SYCP2: variants seen among roughly 807,000 people sequenced by gnomAD.
SYCP2 encodes synaptonemal complex lateral element protein.
SYCP2 carries 55 observed loss-of-function variants against 211.3 expected under a neutral mutation model. That is an observed-to-expected ratio of 0.26 (90% CI 0.21 to 0.33). The LOEUF is 0.33. SYCP2 is among the 10% of genes least tolerant of loss of function. The pLI is 1.00. For synonymous variants in SYCP2, 570 were observed against 555.2 expected (o/e 1.03, Z -0.37); for missense variants, 1,731 against 1,752.0 (o/e 0.99, Z 0.21).
chr20:59,921,318 T>C lies in SYCP2; in HGVS notation c.160A>G (p.Ile54Val). The C allele has an allele frequency of 6.2e-7, 1 of 1,600,464 alleles. No homozygotes were observed. The highest frequency in any genetic ancestry group is 8.5e-7 in the Non-Finnish European group (1 of 1,172,934). ...KQFFHKVDNL[I>V]CRELNKEDIH... ...CAAAAATGAATATTTACCCTGCATA[T>C]AAGGTTGTCCACCTTGTGGAAAAAC... The change falls in exon 4 of 45, where the codon ATA (isoleucine) becomes GTA (valine). Residue 54 changes from isoleucine to valine, a missense_variant. Physicochemically the swap from Ile to Val is conservative, Grantham distance 29. This residue lies in a region of SYCP2 where 335 missense variants were observed against 378.8 expected (regional missense o/e 0.88). Transcript: ENST00000357552.
intron 2 of SYCP2, among the ~76,000 whole-genome samples, chr20:59,924,727 TAAAAA>T (rs1459293956): frequency 6.6e-6 from 1 of 151,772 alleles, no homozygotes; most frequent in African/African-American, 2.4e-5. Flanking sequence ...CAGTTGGAAA[TAAAAA>T]GAAAAGATAG....
chr20:59,886,005 G>A, intron 25 of SYCP2, 41 bp from the exon 26 acceptor site: 2 of 1,441,376 alleles, frequency 1.4e-6, no homozygotes, highest in Non-Finnish European at 9.6e-7. Flanking sequence ...AAGCAAATCA[G>A]TATCAATATC....
At chr20:59,905,445 C>G (rs951241279) in intron 15 of SYCP2, among the ~76,000 whole-genome samples, 2 of 152,116 alleles carry the variant, frequency 1.3e-5, no homozygotes, top group African/African-American at 2.4e-5. Flanking sequence ...GAATAAACTA[C>G]TGATACATGC....
chr20:59,896,108 T>A, intron 19 of SYCP2, among the ~76,000 whole-genome samples: 1 of 152,068 alleles, frequency 6.6e-6, no homozygotes, highest in East Asian at 1.9e-4. Flanking sequence ...CTAGAGGATA[T>A]CTGTACAAAG....
chr20:59,879,309 G>C (rs545411256), intron 31 of SYCP2, among the ~76,000 whole-genome samples: 2 of 149,310 alleles, frequency 1.3e-5, no homozygotes, highest in African/African-American at 4.9e-5. Context: ...TTTTATATAT[G>C]ATAATCCTGC....
At chr20:59,882,729 G>A (rs1600847645) in intron 26 of SYCP2, among the ~76,000 whole-genome samples, 3 of 152,042 alleles carry the variant, frequency 2.0e-5, no homozygotes, top group African/African-American at 7.2e-5. Flanking sequence ...CTAAAAAAGT[G>A]AATCTTATGG....
In SYCP2 at chr20:59,866,586, G is replaced by A; in HGVS notation, c.4129C>T (p.Arg1377Ter). 1 of 1,585,008 alleles carries A rather than the reference G, an allele frequency of 6.3e-7. No homozygotes were observed. Among genetic ancestry groups the A allele is most frequent in the Non-Finnish European group, 8.6e-7 (1 of 1,167,084 alleles). The change falls in exon 40 of 45, where the codon CGA becomes TGA. Residue 1377 changes from arginine to a stop codon, truncating the protein, a stop_gained. Transcript: ENST00000357552. LOFTEE classifies it high-confidence loss of function. ...NSEFKRRNNI[R>*]HKMLSYFTTQ... is the part of the protein sequence containing the mutation. Reference sequence around the variant, plus strand: ...GTAAAATAACTCAACATTTTATGTCGGATCTGAAAAATACTCATTTTTAAG... The same window carrying A: ...GTAAAATAACTCAACATTTTATGTCAGATCTGAAAAATACTCATTTTTAAG...
At chr20:59,880,492 T>A in intron 30 of SYCP2, 21 bp from the exon 31 acceptor site, 3 of 1,439,506 alleles carry the variant, frequency 2.1e-6, no homozygotes, top group Non-Finnish European at 2.8e-6. Flanking sequence ...AAGTTTGAAA[T>A]GCATGAAGAA....
chr20:59,882,610 T>C (rs2059707653), intron 26 of SYCP2, among the ~76,000 whole-genome samples: 2 of 152,066 alleles, frequency 1.3e-5, no homozygotes, highest in African/African-American at 2.4e-5. Flanking sequence ...AAAAAAAGAA[T>C]GAAATCCTGT....
chr20:59,908,089 A>G (rs1295733609), intron 14 of SYCP2, among the ~76,000 whole-genome samples: 1 of 152,028 alleles, frequency 6.6e-6, no homozygotes, highest in African/African-American at 2.4e-5. Flanking sequence ...TACTAAAAAT[A>G]CAAAAAAAAA....
rs779168718 is a variant in SYCP2, at chr20:59,873,904, G to C, written c.3507C>G (p.Phe1169Leu). 1.2e-6 allele frequency: 2 copies of C among 1,613,236 alleles called. No individual in the cohort carries two copies. Among genetic ancestry groups the C allele is most frequent in the South Asian group, 1.1e-5 (1 of 90,968 alleles). ...GTGAACAACTTTCACTTGCACACAG[G>C]AAGTTTTTCTCATTGTTTTTGGGTG... Reference protein sequence around the residue: ...IKSPKNNEKNFLCASESCSPI... With the variant: ...IKSPKNNEKNLLCASESCSPI... The change falls in exon 35 of 45, where the codon TTC (phenylalanine) becomes TTG (leucine). Residue 1169 changes from phenylalanine (F) to leucine (L), a missense_variant. Physicochemically the swap from Phe to Leu is conservative, Grantham distance 22 (BLOSUM62 0). This residue lies in a region of SYCP2 where 1,387 missense variants were observed against 1,351.3 expected (regional missense o/e 1.03). Transcript: ENST00000357552.
chr20:59,899,451 G>T (rs1208669098), intron 18 of SYCP2, among the ~76,000 whole-genome samples: 1 of 152,184 alleles, frequency 6.6e-6, no homozygotes, highest in Non-Finnish European at 1.5e-5. Context: ...TACATTTTAA[G>T]AGCTCACATT....
Position 59,901,813 on chromosome 20 carries a change from GTA to G in SYCP2, c.1034-5_1034-4del. On this transcript the variant is annotated splice_polypyrimidine_tract_variant and splice_region_variant and intron_variant, in intron 15 of 44. Transcript: ENST00000357552. ...CAGTAGCTTCTTTGATTCTCTCACT[GTA>G]TAGAAACAACACTGATTAGTTTACG... 1 of 1,581,212 alleles carries G rather than the reference GTA, an allele frequency of 6.3e-7. No individual in the cohort carries two copies. The highest frequency in any genetic ancestry group is 8.6e-7 in the Non-Finnish European group (1 of 1,165,510).
rs147543638 is a variant in SYCP2 at position 59,892,738 on chromosome 20, A to T, written c.1794-37T>A. 6.8e-5 allele frequency: 107 copies of T among 1,578,324 alleles called. No homozygotes were observed. The African/African-American group carries it at 1.4e-3, about 20-fold the overall frequency. On this transcript the variant is annotated intron_variant, in intron 22 of 44. Coordinates refer to ENST00000357552, the MANE Select transcript of SYCP2 (RefSeq NM_014258.4). ...ATTAATTTGCTTAATGTTACAAAACATTAGCCTGTGACTTTAAGACCTTGA... is the reference window on the plus strand; with the variant it reads ...ATTAATTTGCTTAATGTTACAAAACTTTAGCCTGTGACTTTAAGACCTTGA...
intron 41 of SYCP2, 84 bp from the exon 42 acceptor site, chr20:59,865,949 A>C (rs992854222): frequency 3.5e-6 from 2 of 569,774 alleles, no homozygotes; most frequent in Non-Finnish European, 5.7e-6. Flanking sequence ...ATGATTAAAA[A>C]TTAAAATCCA....
chr20:59,907,258 A>C, intron 15 of SYCP2, 106 bp downstream of exon 15: 1 of 714,650 alleles, frequency 1.4e-6, no homozygotes, highest in Non-Finnish European at 2.4e-6. Context: ...CTCTGAAAAT[A>C]TTGATTTTGC....
At chr20:59,909,314 T>C (rs959316062) in intron 14 of SYCP2, among the ~76,000 whole-genome samples, 7 of 152,234 alleles carry the variant, frequency 4.6e-5, no homozygotes, top group Admixed American at 3.3e-4. Flanking sequence ...AATCCTTCTT[T>C]TTAAAAAATT....
intron 42 of SYCP2, 32 bp downstream of exon 42, chr20:59,865,775 T>C: frequency 2.5e-6 from 3 of 1,209,916 alleles, no homozygotes; most frequent in South Asian, 4.7e-5. Flanking sequence ...TCTAATTTTA[T>C]AGATTATAGC....
Position 59,880,449 on chromosome 20 carries a change from T to C in SYCP2, c.2795A>G (p.Lys932Arg). 6.3e-7 allele frequency: 1 copy of C among 1,579,488 alleles called. No individual in the cohort carries two copies. Among genetic ancestry groups the C allele is most frequent in the African/African-American group, 1.4e-5 (1 of 73,844 alleles). ...DKKIITNHQK[K>R]NLFSDTETEY... is the part of the protein sequence containing the mutation. ...TGTTTCAGTATCACTAAACAGATTT[T>C]TCTTTTGATGATTTGTTATAATCTA... The change falls in exon 31 of 45, where the codon AAA becomes AGA. Residue 932 changes from lysine (K) to arginine (R), a missense_variant. Lys to Arg is a conservative substitution (Grantham distance 26). This residue lies in a region of SYCP2 where 1,387 missense variants were observed against 1,351.3 expected (regional missense o/e 1.03). Coordinates refer to ENST00000357552, the MANE Select transcript of SYCP2 (RefSeq NM_014258.4).
Sources: allele counts gnomAD v4.1 joint callset (sites outside exome capture counted in the v4.1 genomes callset), GRCh38; gene constraint gnomAD v4.1.1; regional missense constraint gnomAD v4.1.1; transcripts MANE v1.5; gene names NCBI Gene and HGNC (gene_info 2026-07-23, HGNC 2026-07-21).